The following CALN1 variants were observed in gnomAD, a reference collection of about 807,000 sequenced individuals.
The protein encoded by CALN1 is calneuron 1.
A neutral mutation model predicts 30.6 loss-of-function variants in CALN1; 17 were observed. The observed-to-expected ratio is 0.56, with a 90% confidence interval of 0.38 to 0.83. The LOEUF (loss-of-function observed/expected upper bound fraction) is 0.83, where lower values mean the gene tolerates loss of function less well. Ranked by LOEUF, CALN1 falls within the 40% of genes least tolerant of loss-of-function variation. The pLI, the probability that CALN1 is intolerant of heterozygous loss-of-function variation, is 0.00. For missense variants in CALN1, 291 were observed against 354.9 expected (o/e 0.82, Z 1.45); for synonymous variants, 156 against 131.4 (o/e 1.19, Z -1.28).
chr7:71,859,482 T>C (rs2116649562), intron 5 of CALN1, among the ~76,000 whole-genome samples: 1 of 152,320 alleles, frequency 6.6e-6, no homozygotes, highest in East Asian at 1.9e-4. Context: ...CAGAGGCCTC[T>C]AGGAACTTCT....
rs550039171 is a variant in CALN1, at chr7:72,312,488, G to A, written c.120-33678C>T. ...TTATACCTATAAGCCATGTGCCCCA[G>A]GACAGACAGCGCTGGGCCACTTTGC... On this transcript the variant is annotated intron_variant, in intron 2 of 6. Coordinates refer to ENST00000395275, the MANE Select transcript of CALN1 (RefSeq NM_031468.4). Among the ~76,000 whole-genome samples the A allele has an allele frequency of 2.0e-5, 3 of 152,008 alleles. No individual in the cohort carries two copies. The South Asian group carries it at 6.2e-4, about 32-fold the overall frequency.
intron 2 of CALN1, among the ~76,000 whole-genome samples, chr7:72,293,227 G>C (rs1250114168): frequency 6.6e-6 from 1 of 152,194 alleles, no homozygotes; most frequent in Non-Finnish European, 1.5e-5. Flanking sequence ...AGAGATGGCA[G>C]CAACGTATTC....
the CALN1 span, among the ~76,000 whole-genome samples, chr7:72,461,009 C>T: frequency 1.3e-5 from 2 of 152,162 alleles, no homozygotes; most frequent in Non-Finnish European, 2.9e-5. Context: ...TCACTTCTCT[C>T]TCTCCAGCTT....
chr7:72,011,557 A>G (rs1048737136), intron 5 of CALN1, among the ~76,000 whole-genome samples: 1 of 152,236 alleles, frequency 6.6e-6, no homozygotes, highest in African/African-American at 2.4e-5. Context: ...ACTGACCCCA[A>G]GAGGTCCCCA....
chr7:71,989,590 C>T (rs1798845125), intron 5 of CALN1, among the ~76,000 whole-genome samples: 1 of 152,128 alleles, frequency 6.6e-6, no homozygotes, highest in Non-Finnish European at 1.5e-5. Context: ...AGACAAACAG[C>T]CCCAAAGAAA....
At chr7:72,215,650 T>G (rs566106061) in intron 3 of CALN1, among the ~76,000 whole-genome samples, 95 of 148,666 alleles carry the variant, frequency 6.4e-4, no homozygotes, top group Admixed American at 1.3e-3. Context: ...CCAATTTTAA[T>G]CATTTCAATC....
chr7:72,415,502 C>A (rs1248694508), upstream of CALN1, among the ~76,000 whole-genome samples: 2 of 152,204 alleles, frequency 1.3e-5, no homozygotes, highest in African/African-American at 4.8e-5. Context: ...AGCTGGAAAT[C>A]CAGATTGTTA....
intron 3 of CALN1, among the ~76,000 whole-genome samples, chr7:72,201,372 T>C (rs938543897): frequency 6.6e-6 from 1 of 152,052 alleles, no homozygotes; most frequent in Non-Finnish European, 1.5e-5. Flanking sequence ...GTGGATCACT[T>C]GAGGTCAGAC....
At chr7:71,812,931 T>TTATTA (rs1232133676) in intron 5 of CALN1, among the ~76,000 whole-genome samples, 3 of 49,184 alleles carry the variant, frequency 6.1e-5, no homozygotes. Flanking sequence ...ATCATCATCA[T>TTATTA]TATTATTATT....
At chr7:72,404,126 C>G (rs1458596533) in intron 1 of CALN1, among the ~76,000 whole-genome samples, 1 of 152,180 alleles carries the variant, frequency 6.6e-6, no homozygotes, top group East Asian at 1.9e-4. Flanking sequence ...CAACTCAGCT[C>G]AGGTGTCACC....
At chr7:72,447,863 A>G (rs908310095), upstream of CALN1, among the ~76,000 whole-genome samples, 4 of 151,122 alleles carry the variant, frequency 2.6e-5, no homozygotes, top group African/African-American at 9.7e-5. Context: ...CTGCCCATGC[A>G]CACACACATG....
At chr7:72,108,872 C>T (rs749918829) in intron 3 of CALN1, among the ~76,000 whole-genome samples, 1 of 152,200 alleles carries the variant, frequency 6.6e-6, no homozygotes, top group Admixed American at 6.5e-5. Flanking sequence ...CATGGACTTG[C>T]CCATTGCAAA....
intron 2 of CALN1, among the ~76,000 whole-genome samples, chr7:72,315,597 C>G (rs539731670): frequency 1.3e-5 from 2 of 151,444 alleles, no homozygotes; most frequent in Admixed American, 6.6e-5. Flanking sequence ...CCCAGCTACT[C>G]GGGAGGCTGA....
chr7:72,408,305 G>C (rs917833903), intron 1 of CALN1, among the ~76,000 whole-genome samples: 1 of 151,576 alleles, frequency 6.6e-6, no homozygotes, highest in Non-Finnish European at 1.5e-5. Context: ...GTAGTGCGTG[G>C]TGGCTCACGC....
chr7:72,408,694 TGAGACAGGG>T (rs1806882580), intron 1 of CALN1, among the ~76,000 whole-genome samples: 1 of 146,232 alleles, frequency 6.8e-6, no homozygotes, highest in Admixed American at 6.9e-5. Flanking sequence ...TTTTTTTTTT[TGAGACAGGG>T]TTGCACTCTG....
intron 2 of CALN1, among the ~76,000 whole-genome samples, chr7:72,350,380 T>C (rs1802859477): frequency 6.6e-6 from 1 of 152,126 alleles, no homozygotes; most frequent in Non-Finnish European, 1.5e-5. Flanking sequence ...GGAATGAACC[T>C]AAGTACCCAG....
In CALN1 at chr7:72,338,519, G is replaced by GTC. The variant is rs1279346736; in HGVS notation, c.120-59710_120-59709insGA. Among the ~76,000 whole-genome samples, 122 of 148,030 alleles carry GTC rather than the reference G, an allele frequency of 8.2e-4. 4 individuals are homozygous for GTC. Among genetic ancestry groups the GTC allele is most frequent in the African/African-American group, 2.6e-3 (103 of 38,880 alleles). On this transcript the variant is annotated intron_variant, in intron 2 of 6. Transcript: ENST00000395275. ...TGTGTGTGTGTGTGTGTGTGTGTGTGTGTGTGTGTCTCACCTGGGTGTGGT... is the reference window on the plus strand; with the variant it reads ...TGTGTGTGTGTGTGTGTGTGTGTGTGTCTGTGTGTGTCTCACCTGGGTGTGGT...
At chr7:72,255,136 A>C (rs1795827099) in intron 3 of CALN1, among the ~76,000 whole-genome samples, 1 of 152,018 alleles carries the variant, frequency 6.6e-6, no homozygotes, top group East Asian at 1.9e-4. Context: ...CCCAGCCTGG[A>C]GTGCAGTGGC....
chr7:72,010,681 C>T (rs984110035), intron 5 of CALN1, among the ~76,000 whole-genome samples: 5 of 151,568 alleles, frequency 3.3e-5, no homozygotes, highest in South Asian at 2.1e-4. Context: ...CATGTGGTGG[C>T]GCGTGTCTGT....
Sources: allele counts gnomAD v4.1 joint callset (sites outside exome capture counted in the v4.1 genomes callset), GRCh38; gene constraint gnomAD v4.1.1; transcripts MANE v1.5; gene names NCBI Gene and HGNC (gene_info 2026-07-23, HGNC 2026-07-21).